Variants in RGL1 observed in about 807,000 individuals in gnomAD.
The protein encoded by RGL1 is ral guanine nucleotide dissociation stimulator-like 1.
RGL1 carries 24 observed loss-of-function variants against 95.2 expected under a neutral mutation model. The ratio of observed to expected loss-of-function variants is 0.25; its 90% CI spans 0.18 to 0.35. The LOEUF is 0.35. RGL1 is among the 10% of genes least tolerant of loss of function. RGL1 has a pLI of 1.00. For synonymous variants in RGL1, 329 were observed against 344.9 expected, an observed-to-expected ratio of 0.95 and a Z score of 0.51; for missense variants, 715 against 936.3, an observed-to-expected ratio of 0.76 and a Z score of 3.08.
chr1:183,723,654 G>A (rs1372998673), intron 1 of RGL1, among the ~76,000 whole-genome samples: 2 of 152,156 alleles, frequency 1.3e-5, no homozygotes. Flanking sequence ...TCCTAGCAGT[G>A]GGAACTTGAG....
chr1:183,648,722 G>A, intron 1 of RGL1: 1 of 1,614,002 alleles, frequency 6.2e-7, no homozygotes, highest in East Asian at 2.2e-5. Context: ...AGCTTAGCCA[G>A]TAATATGGTT....
intron 1 of RGL1, among the ~76,000 whole-genome samples, chr1:183,638,960 T>G (rs915422131): frequency 6.6e-6 from 1 of 152,194 alleles, no homozygotes; most frequent in African/African-American, 2.4e-5. Context: ...TCTCCAAACT[T>G]GCCACTAAAT....
At chr1:183,653,245 C>T (rs1273884660) in intron 1 of RGL1, 3 of 152,178 alleles carry the variant, frequency 2.0e-5, no homozygotes, top group South Asian at 2.1e-4. Context: ...TGTGTCTATT[C>T]GTTCATTTGA....
At chr1:183,648,676 G>A (rs778262711) in intron 1 of RGL1, 17 of 1,614,156 alleles carry the variant, frequency 1.1e-5, no homozygotes, top group East Asian at 4.5e-5. Context: ...TCACCTGTTC[G>A]AATATGGTAA....
chr1:183,649,624 C>T (rs559826510), intron 1 of RGL1, among the ~76,000 whole-genome samples: 7 of 152,170 alleles, frequency 4.6e-5, no homozygotes, highest in South Asian at 4.2e-4. Context: ...TTTTCTTTCC[C>T]GTGAGTGGGT....
chr1:183,802,270 C>G (rs757670060), upstream of RGL1, among the ~76,000 whole-genome samples: 2 of 152,044 alleles, frequency 1.3e-5, no homozygotes, highest in Non-Finnish European at 2.9e-5. Flanking sequence ...TATTTCTGGG[C>G]TTTCTGTTCT....
chr1:183,862,278 C>T (rs1016600645), intron 3 of RGL1, among the ~76,000 whole-genome samples: 5 of 152,154 alleles, frequency 3.3e-5, no homozygotes, highest in African/African-American at 4.8e-5. Context: ...GGGAGGCTTG[C>T]TCAAACCTAG....
intron 2 of RGL1, among the ~76,000 whole-genome samples, chr1:183,793,373 T>C (rs1660530017): frequency 6.6e-6 from 1 of 152,186 alleles, no homozygotes. Context: ...AAAGATTTTA[T>C]GGCTAAGACT....
intron 1 of RGL1, among the ~76,000 whole-genome samples, chr1:183,642,517 A>G (rs993272800): frequency 8.5e-5 from 13 of 152,256 alleles, no homozygotes; most frequent in Admixed American, 6.5e-5. Context: ...AAAAATTAGT[A>G]TATAACCAAG....
At chr1:183,709,007 T>C (rs570682573) in intron 1 of RGL1, among the ~76,000 whole-genome samples, 1 of 152,268 alleles carries the variant, frequency 6.6e-6, no homozygotes, top group South Asian at 2.1e-4. Context: ...TGGGTGCAGA[T>C]GGGCTGAGAC....
intron 1 of RGL1, among the ~76,000 whole-genome samples, chr1:183,686,998 T>C (rs1418303428): frequency 6.6e-6 from 1 of 152,220 alleles, no homozygotes. Context: ...TTTTCTCTTC[T>C]TCAAGCGTGA....
At chr1:183,693,866 T>C (rs1328276315) in intron 1 of RGL1, among the ~76,000 whole-genome samples, 1 of 152,202 alleles carries the variant, frequency 6.6e-6, no homozygotes, top group Non-Finnish European at 1.5e-5. Flanking sequence ...CAGAGGACCC[T>C]TGGAATAGAC....
intron 1 of RGL1, among the ~76,000 whole-genome samples, chr1:183,649,508 A>G (rs931576298): frequency 5.9e-5 from 9 of 152,204 alleles, no homozygotes; most frequent in Admixed American, 5.2e-4. Flanking sequence ...GTTTTTTTTG[A>G]GACTAGGATC....
intron 1 of RGL1, among the ~76,000 whole-genome samples, chr1:183,730,320 C>A (rs1017247391): frequency 2.0e-5 from 3 of 152,056 alleles, no homozygotes; most frequent in African/African-American, 7.2e-5. Context: ...AGACCAAGAG[C>A]CAGGGTTCCC....
intron 8 of RGL1, 101 bp downstream of exon 8, chr1:183,888,678 A>G (rs1189094519): frequency 2.7e-6 from 2 of 727,480 alleles, no homozygotes; most frequent in African/African-American, 3.5e-5. Flanking sequence ...CTAGAGAAAC[A>G]TATTTGAAAT....
chr1:183,759,641 C>T (rs1658545857), intron 2 of RGL1, among the ~76,000 whole-genome samples: 1 of 152,192 alleles, frequency 6.6e-6, no homozygotes, highest in African/African-American at 2.4e-5. Flanking sequence ...CCTGCTACTA[C>T]CATGGGACAC....
chr1:183,712,445 G>T (rs894498966), intron 1 of RGL1, among the ~76,000 whole-genome samples: 1 of 152,164 alleles, frequency 6.6e-6, no homozygotes, highest in Non-Finnish European at 1.5e-5. Flanking sequence ...GGAACTCTTC[G>T]TGTGTGCTTG....
chr1:183,919,141 C>T (rs570354736), intron 16 of RGL1, among the ~76,000 whole-genome samples: 1 of 152,174 alleles, frequency 6.6e-6, no homozygotes, highest in South Asian at 2.1e-4. Context: ...TTTAAAATAA[C>T]AATAATGAAC....
chr1:183,713,566 G>T (rs1655440856), intron 1 of RGL1, among the ~76,000 whole-genome samples: 1 of 152,080 alleles, frequency 6.6e-6, no homozygotes, highest in Non-Finnish European at 1.5e-5. Context: ...GGTCATGAGG[G>T]CAGAACTCTG....
Sources: gnomAD v4.1 joint callset for allele counts (sites outside exome capture counted in the v4.1 genomes callset) on GRCh38, gnomAD v4.1.1 for gene constraint, MANE v1.5 for transcripts, NCBI Gene and HGNC (gene_info 2026-07-23, HGNC 2026-07-21) for gene names.